The following SCARB2 variants were observed in gnomAD, a reference collection of about 807,000 sequenced individuals.
The protein encoded by SCARB2 is lysosome membrane protein 2.
Under a neutral mutation model 58.6 loss-of-function variants are expected in SCARB2, and 29 were observed. The observed-to-expected ratio is 0.49, with a 90% confidence interval of 0.37 to 0.67. The LOEUF (loss-of-function observed/expected upper bound fraction) is 0.67. SCARB2 is among the 30% of genes least tolerant of loss of function. The probability of loss-of-function intolerance (pLI) is 0.00; values close to 1 mark genes in which losing one functional copy is unlikely to be tolerated. For missense variants in SCARB2, 488 were observed against 578.5 expected (o/e 0.84, Z 1.60); for synonymous variants, 195 against 210.1 (o/e 0.93, Z 0.62).
chr4:76,177,695 A>G (rs1193944728), intron 4 of SCARB2, among the ~76,000 whole-genome samples: 2 of 152,252 alleles, frequency 1.3e-5, no homozygotes, highest in Non-Finnish European at 2.9e-5. Context: ...CCTCAGTTAT[A>G]AAAAGGAATG....
rs2109974322 is a variant in SCARB2, at chr4:76,213,505, G to T, written c.39C>A (p.Ser13=). 6.2e-7 allele frequency: 1 copy of T among 1,611,060 alleles called. No individual in the cohort carries two copies. ...RCCFYTAGTL[S]LLLLVTSVTL... ...TGACGCTGGTCACCAGCAGGAGCAG[G>T]GACAACGTCCCCGCCGTGTAGAAGC... The change falls in exon 1 of 12, where the codon TCC becomes TCA. Residue 13 remains serine (S), a synonymous_variant. Coordinates refer to ENST00000264896, the MANE Select transcript of SCARB2 (RefSeq NM_005506.4).
intron 7 of SCARB2, among the ~76,000 whole-genome samples, chr4:76,171,122 C>T (rs1410325661): frequency 6.6e-6 from 1 of 151,984 alleles, no homozygotes; most frequent in Non-Finnish European, 1.5e-5. Flanking sequence ...ACATATTCAC[C>T]AGCCCATGGC....
chr4:76,203,841 T>C (rs527807707), intron 1 of SCARB2, among the ~76,000 whole-genome samples: 48 of 152,348 alleles, frequency 3.2e-4, no homozygotes, highest in African/African-American at 1.1e-3. Context: ...CCAGCTGTCC[T>C]GATGTAAGCC....
intron 7 of SCARB2, chr4:76,173,536 C>G (rs1194325825): frequency 6.5e-6 from 1 of 152,908 alleles, no homozygotes; most frequent in Non-Finnish European, 1.4e-5. Context: ...CAGGGTCTTG[C>G]TATGTTGCCC....
intron 9 of SCARB2, among the ~76,000 whole-genome samples, chr4:76,167,465 CCT>C (rs1732031937): frequency 6.6e-6 from 1 of 151,940 alleles, no homozygotes; most frequent in Non-Finnish European, 1.5e-5. Context: ...CACCTCCCCT[CCT>C]CTCTCTCTTG....
At chr4:76,198,841 AGTGTGTGTGTGTGTGT>A (rs10545527) in intron 1 of SCARB2, among the ~76,000 whole-genome samples, 1 of 141,008 alleles carries the variant, frequency 7.1e-6, no homozygotes, top group African/African-American at 2.8e-5. Context: ...AGAGTGAGTG[AGTGTGTGTGTGTGTGT>A]GTGTGTGTGT....
chr4:76,171,280 T>TGAAAAAA (rs1732124687), intron 7 of SCARB2, among the ~76,000 whole-genome samples: 1 of 152,190 alleles, frequency 6.6e-6, no homozygotes, highest in Admixed American at 6.5e-5. Flanking sequence ...TAATAGGGGC[T>TGAAAAAA]ACTGTCCTGA....
intron 1 of SCARB2, among the ~76,000 whole-genome samples, chr4:76,222,428 A>T (rs1733325735): frequency 6.6e-6 from 1 of 152,214 alleles, no homozygotes; most frequent in South Asian, 2.1e-4. Context: ...GGGTTTCACC[A>T]TGTTGGCCAG....
chr4:76,227,793 C>T (rs767699378), intron 1 of SCARB2, among the ~76,000 whole-genome samples: 4 of 152,158 alleles, frequency 2.6e-5, no homozygotes, highest in African/African-American at 9.7e-5. Context: ...ACCTCTTTGT[C>T]TTTTCTAACT....
intron 1 of SCARB2, among the ~76,000 whole-genome samples, chr4:76,212,767 T>A (rs1245994309): frequency 6.6e-6 from 1 of 152,218 alleles, no homozygotes; most frequent in African/African-American, 2.4e-5. Context: ...CAGATTCTTG[T>A]AGGGTATCTA....
intron 1 of SCARB2, among the ~76,000 whole-genome samples, chr4:76,204,175 A>C (rs1046074001): frequency 2.6e-5 from 4 of 152,212 alleles, no homozygotes; most frequent in African/African-American, 9.6e-5. Context: ...TTGTTTTTTA[A>C]AATTGCTCCC....
Position 76,163,371 on chromosome 4 carries a change from C to G in SCARB2, c.1252G>C (p.Asp418His). Residue 418 changes from aspartate to histidine, a missense_variant, in exon 11 of 12, where the codon GAT (aspartate) becomes CAT (histidine). Physicochemically the swap from Asp to His is moderately conservative, Grantham distance 81. Coordinates refer to ENST00000264896, the MANE Select transcript of SCARB2 (RefSeq NM_005506.4). The part of the protein sequence containing the change: ...VMYLNESVHI[D>H]KETASRLKSM... ...TTCAGTCGACTCGCCGTCTCTTTAT[C>G]AATGTGAACACTCTGGAGAGGCAAG... 1.2e-6 allele frequency: 2 copies of G among 1,614,160 alleles called. No individual in the cohort carries two copies. Among genetic ancestry groups the G allele is most frequent in the Non-Finnish European group, 1.7e-6 (2 of 1,180,016 alleles).
chr4:76,208,157 A>T (rs1457201404), intron 1 of SCARB2, among the ~76,000 whole-genome samples: 1 of 152,156 alleles, frequency 6.6e-6, no homozygotes, highest in Non-Finnish European at 1.5e-5. Flanking sequence ...GTATTTTCTA[A>T]ATCTTTGTAA....
At chr4:76,171,756 G>C (rs1578717716) in intron 7 of SCARB2, among the ~76,000 whole-genome samples, 1 of 97,232 alleles carries the variant, frequency 1.0e-5, no homozygotes, top group Non-Finnish European at 2.0e-5. Flanking sequence ...GTAAGGCAAT[G>C]GGGGAGATCA....
At chr4:76,206,097 T>C (rs555233254) in intron 1 of SCARB2, among the ~76,000 whole-genome samples, 16 of 152,196 alleles carry the variant, frequency 1.1e-4, no homozygotes, top group African/African-American at 3.6e-4. Flanking sequence ...TTAGTTCTCA[T>C]AAAAGGTACC....
At position 76,174,287 on chromosome 4, in the gene SCARB2, T is replaced by TAATG; in HGVS notation, c.850_851insCATT (p.Tyr284SerfsTer3). 6.2e-7 allele frequency: 1 copy of TAATG among 1,614,126 alleles called. No individual in the cohort carries two copies. The highest frequency in any genetic ancestry group is 8.5e-7 in the Non-Finnish European group (1 of 1,179,952). ...GGCAGGCAGTCCCTGTACACTCTCA[T>TAATG]AGTCACTGAAAGTAATATACACTGA... On this transcript the variant is annotated frameshift_variant, in exon 7 of 12. Coordinates refer to ENST00000264896, the MANE Select transcript of SCARB2 (RefSeq NM_005506.4). LOFTEE classifies it high-confidence loss of function.
At chr4:76,220,167 C>T (rs1733283648) in intron 1 of SCARB2, among the ~76,000 whole-genome samples, 1 of 152,074 alleles carries the variant, frequency 6.6e-6, no homozygotes, top group Non-Finnish European at 1.5e-5. Context: ...GTATATAACC[C>T]CCAAAATTGA....
At chr4:76,184,236 C>T (rs1336493989) in intron 2 of SCARB2, among the ~76,000 whole-genome samples, 2 of 152,212 alleles carry the variant, frequency 1.3e-5, no homozygotes, top group Non-Finnish European at 2.9e-5. Context: ...AGGTGCTCCT[C>T]TCTCTGTATG....
At chr4:76,162,075 G>C in intron 11 of SCARB2, 1 of 406,420 alleles carries the variant, frequency 2.5e-6, no homozygotes, top group South Asian at 2.7e-5. Context: ...GTGTCTCAGA[G>C]GTATTAGTTC....
Sources: gnomAD v4.1 joint callset for allele counts (sites outside exome capture counted in the v4.1 genomes callset) on GRCh38, gnomAD v4.1.1 for gene constraint, MANE v1.5 for transcripts, NCBI Gene and HGNC (gene_info 2026-07-23, HGNC 2026-07-21) for gene names.